NTNG1: variants seen among roughly 807,000 people sequenced by gnomAD.
NTNG1 encodes the protein netrin-G1.
A neutral mutation model predicts 54.0 loss-of-function variants in NTNG1; 16 were observed. That is an observed-to-expected ratio of 0.30 (90% CI 0.20 to 0.45). The LOEUF (loss-of-function observed/expected upper bound fraction) is 0.45. Among genes scored for constraint, NTNG1 ranks in the 20% least tolerant of loss-of-function variants. The pLI, the probability that NTNG1 is intolerant of heterozygous loss-of-function variation, is 1.00. For missense variants in NTNG1, 530 were observed against 678.7 expected, an observed-to-expected ratio of 0.78 and a Z score of 2.43; for synonymous variants, 255 against 263.1, an observed-to-expected ratio of 0.97 and a Z score of 0.30.
At chr1:107,161,637 G>C (rs1161481163) in intron 2 of NTNG1, among the ~76,000 whole-genome samples, 1 of 150,946 alleles carries the variant, frequency 6.6e-6, no homozygotes, top group Admixed American at 6.6e-5. Flanking sequence ...CGCCAGCCTG[G>C]GTGACAGAGT....
chr1:107,340,288 C>T (rs928618107), intron 3 of NTNG1, among the ~76,000 whole-genome samples: 2 of 152,000 alleles, frequency 1.3e-5, no homozygotes, highest in African/African-American at 4.8e-5. Flanking sequence ...ATAGGCATAA[C>T]CAGTGGAGGT....
chr1:107,154,090 T>C (rs1557765233), intron 2 of NTNG1, among the ~76,000 whole-genome samples: 1 of 152,246 alleles, frequency 6.6e-6, no homozygotes, highest in East Asian at 1.9e-4. Flanking sequence ...TCGAATAATA[T>C]ATGGTCATTG....
At chr1:107,473,864 C>T (rs971929590) in intron 7 of NTNG1, among the ~76,000 whole-genome samples, 1 of 152,176 alleles carries the variant, frequency 6.6e-6, no homozygotes, top group Non-Finnish European at 1.5e-5. Context: ...CTTTTGGCCA[C>T]GTAACTCTGT....
At chr1:107,337,706 TC>T (rs1265469809) in intron 3 of NTNG1, among the ~76,000 whole-genome samples, 5 of 152,026 alleles carry the variant, frequency 3.3e-5, no homozygotes, top group African/African-American at 1.2e-4. Flanking sequence ...CTGACATATA[TC>T]CATGTGTCTT....
Position 107,452,591 on chromosome 1 carries a change from GTCC to G in NTNG1, c.1390+15797_1390+15799del, listed in dbSNP as rs576210094. Among the ~76,000 whole-genome samples, 337 of 152,248 alleles carry G rather than the reference GTCC, an allele frequency of 2.2e-3. 3 individuals are homozygous for G. Among genetic ancestry groups the G allele is most frequent in the African/African-American group, 7.8e-3 (325 of 41,546 alleles). On this transcript the variant is annotated intron_variant, in intron 7 of 7. Transcript: ENST00000370068. ...AGTGCATTCTAGTGGTAGTGAGTGA[GTCC>G]TCCTTCTGGTGAGACTGGATTAATT...
intron 2 of NTNG1, among the ~76,000 whole-genome samples, chr1:107,234,214 C>G (rs1020024514): frequency 1.3e-5 from 2 of 152,136 alleles, no homozygotes; most frequent in Non-Finnish European, 2.9e-5. Flanking sequence ...CGTCTGTCTC[C>G]TGGGTTCAAG....
intron 3 of NTNG1, among the ~76,000 whole-genome samples, chr1:107,361,235 A>C (rs972021353): frequency 1.4e-5 from 2 of 140,934 alleles, no homozygotes; most frequent in African/African-American, 5.2e-5. Flanking sequence ...TAAAATAAAC[A>C]TATAAATTAT....
At chr1:107,327,073 T>C (rs922269803) in intron 3 of NTNG1, among the ~76,000 whole-genome samples, 7 of 152,150 alleles carry the variant, frequency 4.6e-5, no homozygotes, top group Non-Finnish European at 1.0e-4. Context: ...TCAGCTCCAC[T>C]GTCTTTTCCT....
chr1:107,189,045 G>T (rs1052582145), intron 2 of NTNG1, among the ~76,000 whole-genome samples: 3 of 151,908 alleles, frequency 2.0e-5, no homozygotes, highest in Non-Finnish European at 4.4e-5. Flanking sequence ...AATTTTGGGG[G>T]ACTGTAAGAG....
intron 3 of NTNG1, among the ~76,000 whole-genome samples, chr1:107,349,588 A>G (rs1230235225): frequency 6.6e-6 from 1 of 152,100 alleles, no homozygotes; most frequent in Non-Finnish European, 1.5e-5. Context: ...TTGACCATCC[A>G]CACTCACATC....
At chr1:107,416,876 C>T (rs1439736103) in intron 5 of NTNG1, among the ~76,000 whole-genome samples, 1 of 151,916 alleles carries the variant, frequency 6.6e-6, no homozygotes, top group Non-Finnish European at 1.5e-5. Flanking sequence ...AGCTAGTTAA[C>T]CGAACTAAGA....
At chr1:107,219,977 G>T (rs543045798) in intron 2 of NTNG1, among the ~76,000 whole-genome samples, 22 of 152,300 alleles carry the variant, frequency 1.4e-4, no homozygotes, top group African/African-American at 5.3e-4. Flanking sequence ...TATGTCCTTT[G>T]TCTTTGGCTA....
intron 3 of NTNG1, among the ~76,000 whole-genome samples, chr1:107,391,550 G>T (rs1358804514): frequency 6.6e-6 from 1 of 152,124 alleles, no homozygotes; most frequent in Non-Finnish European, 1.5e-5. Flanking sequence ...ATAAAGGAAA[G>T]AAGCTTATTT....
In NTNG1 at chr1:107,481,723, A is replaced by G. The variant is rs973099426; in HGVS notation, c.*883A>G. On this transcript the variant is annotated 3_prime_UTR_variant, in exon 8 of 8. Transcript: ENST00000370068. ...AGAGATTTCTCTGTAAGGGCAACGA[A>G]CGTGCTGGCATCAAAGAATATCAGT... 1.3e-5 allele frequency: 2 copies of G among 152,620 alleles called. No individual in the cohort carries two copies. Among genetic ancestry groups the G allele is most frequent in the Non-Finnish European group, 2.9e-5 (2 of 68,030 alleles). The allele number at this position is 152,620 out of a possible 1,614,324, so 9.5% of individuals were successfully genotyped here.
chr1:107,232,898 C>T (rs1661167180), intron 2 of NTNG1, among the ~76,000 whole-genome samples: 1 of 152,120 alleles, frequency 6.6e-6, no homozygotes, highest in African/African-American at 2.4e-5. Context: ...CAAATTAAAG[C>T]TGGAAGCTCA....
intron 7 of NTNG1, among the ~76,000 whole-genome samples, chr1:107,473,405 C>T (rs1224384572): frequency 6.6e-6 from 1 of 152,206 alleles, no homozygotes; most frequent in South Asian, 2.1e-4. Context: ...AAGAATAGAA[C>T]AAGTGGCAAC....
chr1:107,420,452 T>A (rs1674504387), intron 5 of NTNG1, among the ~76,000 whole-genome samples: 1 of 152,050 alleles, frequency 6.6e-6, no homozygotes, highest in African/African-American at 2.4e-5. Flanking sequence ...CAAGCAACTC[T>A]TCATGAATAA....
chr1:107,370,251 A>AG (rs1056059286), intron 3 of NTNG1, among the ~76,000 whole-genome samples: 17 of 152,050 alleles, frequency 1.1e-4, no homozygotes, highest in South Asian at 4.2e-4. Context: ...AAAAAAAAAA[A>AG]AAAAAAAGCT....
chr1:107,157,020 C>G (rs941336636), intron 2 of NTNG1, among the ~76,000 whole-genome samples: 1 of 152,174 alleles, frequency 6.6e-6, no homozygotes, highest in African/African-American at 2.4e-5. Flanking sequence ...TAAACACACA[C>G]TTATCCCCAC....
Sources: allele counts gnomAD v4.1 joint callset (sites outside exome capture counted in the v4.1 genomes callset), GRCh38; gene constraint gnomAD v4.1.1; transcripts MANE v1.5; gene names NCBI Gene and HGNC (gene_info 2026-07-23, HGNC 2026-07-21).